The following LRRC17 variants were observed in gnomAD, a reference collection of about 807,000 sequenced individuals.
The protein encoded by LRRC17 is leucine-rich repeat-containing protein 17.
In LRRC17, 33 loss-of-function variants were observed where a neutral mutation model predicts 41.5. That is an observed-to-expected ratio of 0.80 (90% CI 0.60 to 1.06). The LOEUF (loss-of-function observed/expected upper bound fraction) is 1.06, where lower values mean the gene tolerates loss of function less well. Among genes scored for constraint, LRRC17 ranks in the 50% least tolerant of loss-of-function variants. LRRC17 has a pLI of 0.00. For missense variants in LRRC17, 491 were observed against 519.3 expected (o/e 0.95, Z 0.53); for synonymous variants, 192 against 197.0 (o/e 0.97, Z 0.21).
chr7:102,940,553 T>C lies in LRRC17; in HGVS notation c.928+968T>C, dbSNP rs114949813. Among the ~76,000 whole-genome samples, 569 of 152,308 alleles carry C rather than the reference T, an allele frequency of 3.7e-3. 5 individuals carry two copies. The highest frequency in any genetic ancestry group is 0.014 in the African/African-American group (562 of 41,562). On this transcript the variant is annotated intron_variant, in intron 3 of 3. Coordinates refer to ENST00000339431, the MANE Select transcript of LRRC17 (RefSeq NM_001031692.3). The stretch of plus-strand genomic sequence containing the variant: ...AAGGGAAATTCAAATTTGGAATTTT[T>C]TTTGCTATTCATTAAGCCCCATCTT...
At chr7:102,929,107 G>A (rs1818662023) in intron 1 of LRRC17, among the ~76,000 whole-genome samples, 1 of 152,182 alleles carries the variant, frequency 6.6e-6, no homozygotes, top group African/African-American at 2.4e-5. Flanking sequence ...CTGACTCTGT[G>A]TGTTGAGGTA....
At chr7:102,924,461 A>G (rs1046938147) in intron 1 of LRRC17, among the ~76,000 whole-genome samples, 4 of 152,090 alleles carry the variant, frequency 2.6e-5, no homozygotes, top group Non-Finnish European at 5.9e-5. Context: ...GACTGTGTGT[A>G]AGAGCATCAG....
chr7:102,934,086 C>G lies in LRRC17; in HGVS notation c.173C>G (p.Thr58Arg). 1.2e-6 allele frequency: 2 copies of G among 1,614,202 alleles called. No individual in the cohort carries two copies. The highest frequency in any genetic ancestry group is 2.2e-5 in the South Asian group (2 of 91,084). ...CCAGGCCTCCCGTGTGACGTGTACA[C>G]ATATCTCCATGAGAAATACTTAGAT... is the stretch of plus-strand genomic sequence containing the variant. Reference protein sequence around the residue: ...YAPGLPCDVYTYLHEKYLDCQ... With the variant: ...YAPGLPCDVYRYLHEKYLDCQ... The change falls in exon 2 of 4, where the codon ACA (threonine) becomes AGA (arginine). Residue 58 changes from threonine (T) to arginine (R), a missense_variant. Coordinates refer to ENST00000339431, the MANE Select transcript of LRRC17 (RefSeq NM_001031692.3).
rs753599817 is a variant in LRRC17 at position 102,933,938 on chromosome 7, T to G, written c.25T>G (p.Leu9Val). 1.9e-6 allele frequency: 3 copies of G among 1,611,200 alleles called. No homozygotes were observed. Among genetic ancestry groups the G allele is most frequent in the Non-Finnish European group, 2.5e-6 (3 of 1,178,012 alleles). The stretch of plus-strand genomic sequence containing the variant: ...GATGCGTGTGGTTACCATTGTAATC[T>G]TGCTCTGCTTTTGCAAAGCGGCTGA... MRVVTIVILLCFCKAAELR... is the reference protein window; with the variant it reads MRVVTIVIVLCFCKAAELR... The change falls in exon 2 of 4, where the codon TTG becomes GTG. Residue 9 changes from leucine to valine, a missense_variant. Leu to Val is a conservative substitution (Grantham distance 32). Coordinates refer to ENST00000339431, the MANE Select transcript of LRRC17 (RefSeq NM_001031692.3).
At position 102,934,473 on chromosome 7, in the gene LRRC17, G is replaced by C. The variant is rs1057066; in HGVS notation, c.560G>C (p.Gly187Ala). 205,720 of 1,613,986 alleles carry C rather than the reference G, an allele frequency of 0.13. 14,466 individuals are homozygous for C. Among genetic ancestry groups the C allele is most frequent in the East Asian group, 0.3 (13,497 of 44,858 alleles). Residue 187 changes from glycine to alanine, a missense_variant, in exon 2 of 4, where the codon GGG (glycine) becomes GCG (alanine). Coordinates refer to ENST00000339431, the MANE Select transcript of LRRC17 (RefSeq NM_001031692.3). ...CAGATTCCCAGGAACCGGAATTTGG[G>C]GAACTACGCCAAGTGTGAAAGTCCA... Reference protein sequence around the residue: ...MLQIPRNRNLGNYAKCESPQE... With the variant: ...MLQIPRNRNLANYAKCESPQE...
At chr7:102,920,275 A>G (rs1816726392) in intron 1 of LRRC17, among the ~76,000 whole-genome samples, 1 of 152,258 alleles carries the variant, frequency 6.6e-6, no homozygotes, top group Non-Finnish European at 1.5e-5. Flanking sequence ...ACAAGTAAAC[A>G]TAGTTCACAG....
At chr7:102,929,086 T>A (rs1424671755) in intron 1 of LRRC17, among the ~76,000 whole-genome samples, 1 of 152,188 alleles carries the variant, frequency 6.6e-6, no homozygotes, top group Non-Finnish European at 1.5e-5. Flanking sequence ...ATTAAACAAC[T>A]AATTTAAATG....
At chr7:102,941,390 C>G (rs1275498148) in intron 3 of LRRC17, among the ~76,000 whole-genome samples, 2 of 152,076 alleles carry the variant, frequency 1.3e-5, no homozygotes, top group Admixed American at 1.3e-4. Context: ...CATCTCCAAC[C>G]TGACCAATCA....
chr7:102,930,505 T>G (rs1351648910), intron 1 of LRRC17, among the ~76,000 whole-genome samples: 1 of 152,234 alleles, frequency 6.6e-6, no homozygotes, highest in Non-Finnish European at 1.5e-5. Flanking sequence ...CAAGTAGATT[T>G]CTGCTCCAAT....
chr7:102,938,973 G>T (rs1371952712), intron 2 of LRRC17, among the ~76,000 whole-genome samples: 2 of 152,222 alleles, frequency 1.3e-5, no homozygotes, highest in Non-Finnish European at 2.9e-5. Flanking sequence ...CCTAGGCCTA[G>T]TGTCAGGGTG....
At chr7:102,927,706 A>G (rs1029647207) in intron 1 of LRRC17, among the ~76,000 whole-genome samples, 1 of 152,182 alleles carries the variant, frequency 6.6e-6, no homozygotes, top group African/African-American at 2.4e-5. Context: ...AGCTTTTGAT[A>G]AACACTACTC....
chr7:102,944,844 C>T lies in LRRC17; in HGVS notation c.*237C>T. The T allele has an allele frequency of 2.4e-6, 1 of 417,136 alleles. No homozygotes were observed. The highest frequency in any genetic ancestry group is 4.2e-6 in the Non-Finnish European group (1 of 238,478). The allele number at this position is 417,136 out of a possible 1,614,324, so 25.8% of individuals were successfully genotyped here. A position where few individuals can be genotyped will look rare whatever the true frequency, so the allele number is the denominator to read the frequency against. ...GTGATATGCAATTCCACACTGGTAACCTGCAGCAGTTGGGTCCTAATGATG... is the reference window on the plus strand; with the variant it reads ...GTGATATGCAATTCCACACTGGTAATCTGCAGCAGTTGGGTCCTAATGATG... On this transcript the variant is annotated 3_prime_UTR_variant, in exon 4 of 4. Transcript: ENST00000339431.
intron 1 of LRRC17, among the ~76,000 whole-genome samples, chr7:102,926,790 A>C (rs1818222997): frequency 6.6e-6 from 1 of 152,232 alleles, no homozygotes; most frequent in African/African-American, 2.4e-5. Context: ...CACTCTCAAC[A>C]ATGGAACTTT....
intron 1 of LRRC17, among the ~76,000 whole-genome samples, chr7:102,915,123 T>TA (rs1554454401): frequency 0.023 from 1,755 of 75,836 alleles, 36 homozygotes; most frequent in African/African-American, 0.098. Flanking sequence ...GATTAAAATA[T>TA]TTTTTTTTTT....
chr7:102,915,317 T>C (rs1815626595), intron 1 of LRRC17, among the ~76,000 whole-genome samples: 1 of 152,012 alleles, frequency 6.6e-6, no homozygotes, highest in African/African-American at 2.4e-5. Context: ...AGGGACATAG[T>C]AGAAGATTTA....
intron 1 of LRRC17, among the ~76,000 whole-genome samples, chr7:102,919,508 G>C (rs533533343): frequency 1.1e-4 from 17 of 152,256 alleles, no homozygotes; most frequent in Non-Finnish European, 2.2e-4. Context: ...AAAATTAATT[G>C]AAGGAACACA....
chr7:102,934,234 GA>G lies in LRRC17; in HGVS notation c.325del (p.Ser109AlafsTer20). The G allele has an allele frequency of 6.2e-7, 1 of 1,614,206 alleles. No homozygotes were observed. Among genetic ancestry groups the G allele is most frequent in the Non-Finnish European group, 8.5e-7 (1 of 1,180,026 alleles). ...NNMFSKFKKLKSLDLQQNEIS... is the reference protein window; with the variant it reads ...NNMFSKFKKLXSLDLQQNEIS... Reference sequence around the variant, plus strand: ...ACATGTTTTCCAAGTTTAAAAAGCTGAAAAGCCTGGATCTGCAGCAGAATGA... The same window carrying G: ...ACATGTTTTCCAAGTTTAAAAAGCTGAAAGCCTGGATCTGCAGCAGAATGA... On this transcript the variant is annotated frameshift_variant, in exon 2 of 4. Coordinates refer to ENST00000339431, the MANE Select transcript of LRRC17 (RefSeq NM_001031692.3). LOFTEE classifies it high-confidence loss of function.
chr7:102,943,107 T>C (rs1016142501), intron 3 of LRRC17, among the ~76,000 whole-genome samples: 1 of 152,176 alleles, frequency 6.6e-6, no homozygotes, highest in African/African-American at 2.4e-5. Context: ...TACAACCAGA[T>C]GTTTTCAAAA....
intron 1 of LRRC17, among the ~76,000 whole-genome samples, chr7:102,930,192 A>C (rs935819074): frequency 6.6e-6 from 1 of 152,120 alleles, no homozygotes; most frequent in African/African-American, 2.4e-5. Context: ...TGAGGCTGAG[A>C]GGTAGCAGGG....
Sources: allele counts gnomAD v4.1 joint callset (sites outside exome capture counted in the v4.1 genomes callset), GRCh38; gene constraint gnomAD v4.1.1; transcripts MANE v1.5; gene names NCBI Gene and HGNC (gene_info 2026-07-23, HGNC 2026-07-21).